PALM2AKAP2: variants seen among roughly 807,000 people sequenced by gnomAD.
PALM2AKAP2 encodes PALM2-AKAP2 fusion protein.
In PALM2AKAP2, 37 loss-of-function variants were observed where a neutral mutation model predicts 71.5. The ratio of observed to expected loss-of-function variants is 0.52; its 90% CI spans 0.40 to 0.68. The LOEUF (loss-of-function observed/expected upper bound fraction) is 0.68. Among genes scored for constraint, PALM2AKAP2 ranks in the 30% least tolerant of loss-of-function variants. PALM2AKAP2 has a pLI of 0.00. For synonymous variants in PALM2AKAP2, 468 were observed against 478.8 expected (o/e 0.98, Z 0.29); for missense variants, 1,224 against 1,191.8 (o/e 1.03, Z -0.40).
At chr9:109,825,473 G>T (rs1388965537) in intron 1 of PALM2AKAP2, among the ~76,000 whole-genome samples, 1 of 152,154 alleles carries the variant, frequency 6.6e-6, no homozygotes, top group Non-Finnish European at 1.5e-5. Flanking sequence ...ATCTGACGAA[G>T]GGCTAATATC....
intron 1 of PALM2AKAP2, among the ~76,000 whole-genome samples, chr9:110,065,458 C>T (rs1403276772): frequency 6.6e-6 from 1 of 152,218 alleles, no homozygotes; most frequent in Non-Finnish European, 1.5e-5. Flanking sequence ...AACTCCTGAG[C>T]TCCAGCGATC....
rs1347733309 is a variant in PALM2AKAP2 at position 110,137,777 on chromosome 9, C to T, written c.1807C>T (p.Gln603Ter). The change falls in exon 2 of 4, where the codon CAG (glutamine) becomes TAG (stop). Residue 603 changes from glutamine (Q) to a stop codon, truncating the protein, a stop_gained. Coordinates refer to ENST00000374525, the Ensembl canonical transcript of PALM2AKAP2. LOFTEE classifies it high-confidence loss of function. ...ATCCAATGAGACAACCAATGCCCTC[C>T]AGGAAAATTCACTGGCTGATTTTTC... 1 of 1,614,152 alleles carries T rather than the reference C, an allele frequency of 6.2e-7. No homozygotes were observed. Among genetic ancestry groups the T allele is most frequent in the Admixed American group, 1.7e-5 (1 of 60,022 alleles).
upstream of PALM2AKAP2, among the ~76,000 whole-genome samples, chr9:109,777,929 C>T (rs571947972): frequency 6.6e-6 from 1 of 152,132 alleles, no homozygotes; most frequent in Non-Finnish European, 1.5e-5. Flanking sequence ...GATGTGTGTC[C>T]CCAACCCCGA....
At chr9:109,818,552 A>G (rs1378047758) in intron 1 of PALM2AKAP2, among the ~76,000 whole-genome samples, 1 of 152,244 alleles carries the variant, frequency 6.6e-6, no homozygotes, top group Non-Finnish European at 1.5e-5. Context: ...GGTAAAAAAC[A>G]TAAAAACTTT....
chr9:110,166,478 C>T (rs908010121), intron 3 of PALM2AKAP2, among the ~76,000 whole-genome samples: 2 of 152,210 alleles, frequency 1.3e-5, no homozygotes, highest in African/African-American at 4.8e-5. Context: ...TGCTGTTTTT[C>T]AGTTCCATGC....
Position 109,780,873 on chromosome 9 carries a change from G to A in PALM2AKAP2, c.45+340G>A, listed in dbSNP as rs116432560. ...TGCTCAGGCATACGTTGGCTTCATA[G>A]CCTGGAGAACCAAGAGAAGGGTGAC... On this transcript the variant is annotated intron_variant, in intron 1 of 9. Transcript: ENST00000302798. 2.7e-3 allele frequency among the ~76,000 whole-genome samples: 411 copies of A among 152,308 alleles called. 3 individuals carry two copies. Among genetic ancestry groups the A allele is most frequent in the African/African-American group, 9.6e-3 (398 of 41,576 alleles).
intron 1 of PALM2AKAP2, among the ~76,000 whole-genome samples, chr9:110,122,044 TC>T (rs1230410499): frequency 6.6e-6 from 1 of 152,224 alleles, no homozygotes; most frequent in East Asian, 1.9e-4. Context: ...GCTTTCAAAG[TC>T]GTCTCTTGCT....
intron 1 of PALM2AKAP2, among the ~76,000 whole-genome samples, chr9:109,666,527 C>T (rs1180031792): frequency 6.6e-6 from 1 of 152,174 alleles, no homozygotes; most frequent in African/African-American, 2.4e-5. Context: ...ATATCACAAC[C>T]AGTTAAGCTT....
At chr9:109,783,754 G>A (rs1232194096) in intron 1 of PALM2AKAP2, among the ~76,000 whole-genome samples, 2 of 152,176 alleles carry the variant, frequency 1.3e-5, no homozygotes, top group African/African-American at 4.8e-5. Flanking sequence ...GCCTCCTCTG[G>A]GAAGGTATTG....
At chr9:110,053,397 A>G (rs564260254) in intron 1 of PALM2AKAP2, among the ~76,000 whole-genome samples, 1 of 152,044 alleles carries the variant, frequency 6.6e-6, no homozygotes, top group East Asian at 1.9e-4. Context: ...GTGTGGTGGC[A>G]GGTGCCTGTA....
At chr9:109,799,396 G>A (rs2131391397) in intron 1 of PALM2AKAP2, among the ~76,000 whole-genome samples, 1 of 152,338 alleles carries the variant, frequency 6.6e-6, no homozygotes, top group South Asian at 2.1e-4. Context: ...GCAGGGAGCT[G>A]CTCCAGGTTC....
At chr9:109,689,554 A>T (rs1310583680) in intron 1 of PALM2AKAP2, among the ~76,000 whole-genome samples, 2 of 152,198 alleles carry the variant, frequency 1.3e-5, no homozygotes, top group South Asian at 4.1e-4. Flanking sequence ...GATGGGTGTG[A>T]TATATATTTT....
intron 1 of PALM2AKAP2, among the ~76,000 whole-genome samples, chr9:109,728,311 A>T (rs1374420608): frequency 6.6e-6 from 1 of 152,272 alleles, no homozygotes; most frequent in Non-Finnish European, 1.5e-5. Flanking sequence ...ACAGGGATGC[A>T]GAGTGGTTTG....
At chr9:109,808,993 C>A (rs1265038306) in intron 1 of PALM2AKAP2, among the ~76,000 whole-genome samples, 1 of 152,210 alleles carries the variant, frequency 6.6e-6, no homozygotes, top group Non-Finnish European at 1.5e-5. Context: ...GGGAACCTCC[C>A]CCTGGATTTC....
chr9:109,897,512 G>C (rs979563227), intron 3 of PALM2AKAP2, among the ~76,000 whole-genome samples: 4 of 152,122 alleles, frequency 2.6e-5, no homozygotes, highest in Admixed American at 1.3e-4. Flanking sequence ...CCCGGAGGCA[G>C]AGGTTGCAGT....
At chr9:109,981,001 CT>C (rs1832258955) in intron 6 of PALM2AKAP2, among the ~76,000 whole-genome samples, 1 of 152,214 alleles carries the variant, frequency 6.6e-6, no homozygotes, top group South Asian at 2.1e-4. Context: ...TGGGAATGCG[CT>C]TTGCATCCTA....
At chr9:109,858,769 A>T (rs538212342) in intron 1 of PALM2AKAP2, among the ~76,000 whole-genome samples, 1 of 152,254 alleles carries the variant, frequency 6.6e-6, no homozygotes, top group South Asian at 2.1e-4. Flanking sequence ...GGTGTCATAA[A>T]GCGGGTCTTA....
intron 1 of PALM2AKAP2, among the ~76,000 whole-genome samples, chr9:109,706,781 C>G (rs191331908): frequency 1.3e-5 from 2 of 152,142 alleles, no homozygotes; most frequent in African/African-American, 4.8e-5. Flanking sequence ...TTAACAAACA[C>G]GCTAAATGAA....
chr9:109,894,294 G>A (rs1314409586), intron 3 of PALM2AKAP2, among the ~76,000 whole-genome samples: 9 of 152,120 alleles, frequency 5.9e-5, no homozygotes, highest in South Asian at 2.1e-4. Flanking sequence ...AGCCAAGATC[G>A]CACCATTGCA....
Sources: gnomAD v4.1 joint callset for allele counts (sites outside exome capture counted in the v4.1 genomes callset) on GRCh38, gnomAD v4.1.1 for gene constraint, MANE v1.5 for transcripts, NCBI Gene and HGNC (gene_info 2026-07-23, HGNC 2026-07-21) for gene names.